VPS37A: variants seen among roughly 807,000 people sequenced by gnomAD.
VPS37A encodes the protein vacuolar protein sorting-associated protein 37A.
Under a neutral mutation model 49.8 loss-of-function variants are expected in VPS37A, and 30 were observed. The observed-to-expected ratio is 0.60, with a 90% confidence interval of 0.45 to 0.82. The LOEUF is 0.82. Among genes scored for constraint, VPS37A ranks in the 40% least tolerant of loss-of-function variants. VPS37A has a pLI of 0.00. For missense variants in VPS37A, 593 were observed against 464.4 expected, an observed-to-expected ratio of 1.28 and a Z score of -2.55; for synonymous variants, 195 against 160.6, an observed-to-expected ratio of 1.21 and a Z score of -1.62.
chr8:17,325,113 G>C, the VPS37A span, among the ~76,000 whole-genome samples: 3 of 152,040 alleles, frequency 2.0e-5, no homozygotes, highest in East Asian at 5.8e-4. Flanking sequence ...CGAGCAAAAG[G>C]GACATCGGAA....
At chr8:17,282,962 ATATT>A (rs1234070280) in intron 9 of VPS37A, among the ~76,000 whole-genome samples, 3 of 152,210 alleles carry the variant, frequency 2.0e-5, no homozygotes, top group Admixed American at 2.0e-4. Flanking sequence ...TACTCAATAA[ATATT>A]TAATGAATAA....
downstream of VPS37A, among the ~76,000 whole-genome samples, chr8:17,303,414 C>T (rs187009993): frequency 2.6e-5 from 4 of 152,044 alleles, no homozygotes; most frequent in African/African-American, 4.8e-5. Flanking sequence ...AAGTCTGTGT[C>T]GGGAGTGAGT....
At chr8:17,310,554 G>A in the VPS37A span, among the ~76,000 whole-genome samples, 1 of 152,120 alleles carries the variant, frequency 6.6e-6, no homozygotes, top group Non-Finnish European at 1.5e-5. Flanking sequence ...CTCTCCAAAT[G>A]CAAATGAAGC....
chr8:17,306,911 G>T (rs1049870531), downstream of VPS37A, among the ~76,000 whole-genome samples: 1 of 121,742 alleles, frequency 8.2e-6, no homozygotes, highest in African/African-American at 3.4e-5. Context: ...AGACTTAAAC[G>T]TTAGACCTAA....
downstream of VPS37A, chr8:17,302,234 G>A (rs938400103): frequency 3.7e-6 from 6 of 1,613,812 alleles, no homozygotes; most frequent in Non-Finnish European, 4.2e-6. Context: ...ACTGACTGTC[G>A]GGGCTGCATC....
At chr8:17,306,016 A>G (rs1363136451), downstream of VPS37A, 2 of 1,406,298 alleles carry the variant, frequency 1.4e-6, no homozygotes, top group Admixed American at 2.1e-5. Context: ...GTACAAAGCC[A>G]TAAATGCAAA....
Position 17,274,956 on chromosome 8 carries a change from C to A in VPS37A, c.640C>A (p.Pro214Thr), listed in dbSNP as rs1489605159. Residue 214 changes from proline (P) to threonine (T), a missense_variant and splice_region_variant, in exon 5 of 12, where the codon CCG (proline) becomes ACG (threonine). Coordinates refer to ENST00000324849, the MANE Select transcript of VPS37A (RefSeq NM_152415.3). ...CATTCCCACAGTGGATGCTTCAATA[C>A]CGGTTGGTATCGTCAGTTATCTATA... ...LPIPTVDASIPTSQNGFGYKM... is the reference protein window; with the variant it reads ...LPIPTVDASITTSQNGFGYKM... 1 of 1,613,500 alleles carries A rather than the reference C, an allele frequency of 6.2e-7. No homozygotes were observed. The highest frequency in any genetic ancestry group is 8.5e-7 in the Non-Finnish European group (1 of 1,179,558).
intron 4 of VPS37A, among the ~76,000 whole-genome samples, chr8:17,274,384 C>T (rs770409774): frequency 5.9e-5 from 9 of 152,182 alleles, no homozygotes; most frequent in East Asian, 1.9e-4. Context: ...TATTGCTCTG[C>T]ATTCCCTCTA....
the VPS37A span, among the ~76,000 whole-genome samples, chr8:17,330,580 C>G: frequency 6.6e-6 from 1 of 152,248 alleles, no homozygotes; most frequent in Non-Finnish European, 1.5e-5. Flanking sequence ...CATAATCCAT[C>G]TCTTTAATTT....
downstream of VPS37A, chr8:17,299,776 C>A: frequency 6.5e-7 from 1 of 1,539,346 alleles, no homozygotes; most frequent in Non-Finnish European, 8.8e-7. Context: ...TGCACCATTT[C>A]CTGTTTTTAC....
At chr8:17,284,363 T>C (rs1815387035) in intron 9 of VPS37A, 110 bp from the exon 10 acceptor site, 1 of 1,285,608 alleles carries the variant, frequency 7.8e-7, no homozygotes, top group Non-Finnish European at 1.0e-6. Flanking sequence ...AAAGAGGCTA[T>C]ATAGGGCATA....
At chr8:17,284,364 A>G (rs1815387334) in intron 9 of VPS37A, 109 bp from the exon 10 acceptor site, 1 of 1,287,730 alleles carries the variant, frequency 7.8e-7, no homozygotes, top group Non-Finnish European at 1.0e-6. Context: ...AAGAGGCTAT[A>G]TAGGGCATAT....
At chr8:17,326,131 C>T in the VPS37A span, among the ~76,000 whole-genome samples, 2 of 152,158 alleles carry the variant, frequency 1.3e-5, no homozygotes, top group Non-Finnish European at 2.9e-5. Flanking sequence ...GAGGCCAGGG[C>T]ACCTTCCATT....
intron 5 of VPS37A, among the ~76,000 whole-genome samples, chr8:17,275,282 C>T (rs757138394): frequency 3.3e-5 from 5 of 152,070 alleles, no homozygotes; most frequent in Non-Finnish European, 7.4e-5. Flanking sequence ...TTTCTTAGTG[C>T]CTCAAATATA....
chr8:17,268,835 G>A (rs376945040), intron 3 of VPS37A, 21 bp from the exon 4 acceptor site: 170 of 1,481,140 alleles, frequency 1.1e-4, no homozygotes, highest in Admixed American at 3.0e-4. Flanking sequence ...GATTTTAAGC[G>A]TCATGTATTG....
At position 17,249,211 on chromosome 8, in the gene VPS37A, G is replaced by A. The variant is rs553925930; in HGVS notation, c.125+1842G>A. Reference sequence around the variant, plus strand: ...CTTGCTGCTAAGGCTGGTAAGTAAGGGAAGTAATTGATGTGAAATTTATAA... The same window carrying A: ...CTTGCTGCTAAGGCTGGTAAGTAAGAGAAGTAATTGATGTGAAATTTATAA... On this transcript the variant is annotated intron_variant, in intron 1 of 11. Coordinates refer to ENST00000324849, the MANE Select transcript of VPS37A (RefSeq NM_152415.3). 2.6e-5 allele frequency among the ~76,000 whole-genome samples: 4 copies of A among 152,240 alleles called. No individual in the cohort carries two copies. The East Asian group carries it at 5.8e-4, about 22-fold the overall frequency.
intron 10 of VPS37A, among the ~76,000 whole-genome samples, chr8:17,285,422 G>C (rs1251396622): frequency 6.6e-6 from 1 of 151,994 alleles, no homozygotes; most frequent in Admixed American, 6.5e-5. Context: ...GTTCTGTTCT[G>C]ATATTTCTGT....
At chr8:17,311,302 A>G in the VPS37A span, among the ~76,000 whole-genome samples, 7 of 152,318 alleles carry the variant, frequency 4.6e-5, no homozygotes, top group South Asian at 1.5e-3. Flanking sequence ...AATGGTTTCA[A>G]TATCCCAGAA....
intron 11 of VPS37A, among the ~76,000 whole-genome samples, chr8:17,287,619 A>C (rs1315902422): frequency 1.3e-5 from 2 of 151,968 alleles, no homozygotes; most frequent in Non-Finnish European, 2.9e-5. Context: ...CAGACCTTGC[A>C]GTGAGCCGAG....
Sources: gnomAD v4.1 joint callset for allele counts (sites outside exome capture counted in the v4.1 genomes callset) on GRCh38, gnomAD v4.1.1 for gene constraint, MANE v1.5 for transcripts, NCBI Gene and HGNC (gene_info 2026-07-23, HGNC 2026-07-21) for gene names.